The following PRM2 variants were observed in gnomAD, a reference collection of about 807,000 sequenced individuals.
The protein encoded by PRM2 is protamine 2, also known as protamine-2.
A neutral mutation model predicts 10.7 loss-of-function variants in PRM2; 6 were observed. The ratio of observed to expected loss-of-function variants is 0.56; its 90% confidence interval spans 0.31 to 1.11. The LOEUF (loss-of-function observed/expected upper bound fraction) is 1.11, where lower values mean the gene tolerates loss of function less well. Among genes scored for constraint, PRM2 ranks in the 50% least tolerant of loss-of-function variants. The pLI, the probability that PRM2 is intolerant of heterozygous loss-of-function variation, is 0.06. For synonymous variants in PRM2, 64 were observed against 54.8 expected (o/e 1.17, Z -0.74); for missense variants, 194 against 147.7 (o/e 1.31, Z -1.62).
chr16:11,275,831 T>A lies in PRM2; in HGVS notation c.*69A>T. ...TGAGCATTTGATGTAGGGGAATTGC[T>A]ATGGCCTCACTTGGTGTTTCGGGCG... is the stretch of plus-strand genomic sequence containing the variant. On this transcript the variant is annotated 3_prime_UTR_variant, in exon 2 of 2. Coordinates refer to ENST00000241808, the MANE Select transcript of PRM2 (RefSeq NM_002762.4). The A allele has an allele frequency of 6.2e-7, 1 of 1,611,220 alleles. No individual in the cohort carries two copies. The highest frequency in any genetic ancestry group is 8.5e-7 in the Non-Finnish European group (1 of 1,179,242).
In PRM2 at chr16:11,276,399, C is replaced by G. The variant is rs2069878336; in HGVS notation, c.-29G>C. 1 of 1,613,442 alleles carries G rather than the reference C, an allele frequency of 6.2e-7. No individual in the cohort carries two copies. ...GTTGGGAGATCTGGTGGCTCCTGGG[C>G]TGAGGCTGCAGTGGGCCCTGGAGTA... On this transcript the variant is annotated 5_prime_UTR_variant, in exon 1 of 2. Coordinates refer to ENST00000241808, the MANE Select transcript of PRM2 (RefSeq NM_002762.4).
chr16:11,276,379 G>C lies in PRM2; in HGVS notation c.-9C>G. On this transcript the variant is annotated 5_prime_UTR_variant, in exon 1 of 2. Coordinates refer to ENST00000241808, the MANE Select transcript of PRM2 (RefSeq NM_002762.4). ...ACGCGGTATCGGACCATGGTGTTGG[G>C]AGATCTGGTGGCTCCTGGGCTGAGG... is the stretch of plus-strand genomic sequence containing the variant. 6.2e-7 allele frequency: 1 copy of C among 1,614,104 alleles called. No individual in the cohort carries two copies. The highest frequency in any genetic ancestry group is 8.5e-7 in the Non-Finnish European group (1 of 1,179,972).
Position 11,275,751 on chromosome 16 carries a change from C to A in PRM2, c.*149G>T. The A allele has an allele frequency of 2.0e-6, 3 of 1,534,688 alleles. No individual in the cohort carries two copies. Among genetic ancestry groups the A allele is most frequent in the Non-Finnish European group, 2.7e-6 (3 of 1,130,468 alleles). ...ATTTGATGTAGGGGAGTTGCTATGGCCTCACTCGGTGTTTCTTGGGCAGGT... is the reference window on the plus strand; with the variant it reads ...ATTTGATGTAGGGGAGTTGCTATGGACTCACTCGGTGTTTCTTGGGCAGGT... On this transcript the variant is annotated 3_prime_UTR_variant, in exon 2 of 2. Coordinates refer to ENST00000241808, the MANE Select transcript of PRM2 (RefSeq NM_002762.4).
chr16:11,276,067 G>C (rs1312717221), intron 1 of PRM2, 33 bp downstream of exon 1: 1 of 1,611,128 alleles, frequency 6.2e-7, no homozygotes, highest in African/African-American at 1.3e-5. Context: ...GGTGGTCAGG[G>C]ACATGCAGGG....
intron 1 of PRM2, 29 bp downstream of exon 1, chr16:11,276,071 T>C (rs760490090): frequency 1.9e-4 from 305 of 1,611,094 alleles, no homozygotes; most frequent in Non-Finnish European, 2.3e-4. Context: ...GTCAGGGACA[T>C]GCAGGGCAAG....
Position 11,276,388 on chromosome 16 carries a change from T to G in PRM2, c.-18A>C, listed in dbSNP as rs960718268. ...CGGACCATGGTGTTGGGAGATCTGGTGGCTCCTGGGCTGAGGCTGCAGTGG... is the reference window on the plus strand; with the variant it reads ...CGGACCATGGTGTTGGGAGATCTGGGGGCTCCTGGGCTGAGGCTGCAGTGG... On this transcript the variant is annotated 5_prime_UTR_variant, in exon 1 of 2. Transcript: ENST00000241808. 6.2e-7 allele frequency: 1 copy of G among 1,613,966 alleles called. No individual in the cohort carries two copies. The highest frequency in any genetic ancestry group is 8.5e-7 in the Non-Finnish European group (1 of 1,179,922).
At chr16:11,276,028 G>C (rs1256358868) in intron 1 of PRM2, 72 bp downstream of exon 1, 4 of 1,609,504 alleles carry the variant, frequency 2.5e-6, no homozygotes, top group South Asian at 1.1e-5. Context: ...GTCAGGTGGG[G>C]TGGGTCCCCG....
chr16:11,276,414 G>T lies in PRM2; in HGVS notation c.-44C>A. ...GGCTCCTGGGCTGAGGCTGCAGTGG[G>T]CCCTGGAGTAGGGGAGGAGGGCGGA... On this transcript the variant is annotated 5_prime_UTR_variant, in exon 1 of 2. Coordinates refer to ENST00000241808, the MANE Select transcript of PRM2 (RefSeq NM_002762.4). 2 of 1,611,900 alleles carry T rather than the reference G, an allele frequency of 1.2e-6. No individual in the cohort carries two copies. The highest frequency in any genetic ancestry group is 2.2e-5 in the South Asian group (2 of 90,810).
chr16:11,275,840 A>C lies in PRM2; in HGVS notation c.*60T>G, dbSNP rs1432573986. 7 of 1,612,354 alleles carry C rather than the reference A, an allele frequency of 4.3e-6. No individual in the cohort carries two copies. Among genetic ancestry groups the C allele is most frequent in the Non-Finnish European group, 5.1e-6 (6 of 1,179,686 alleles). On this transcript the variant is annotated 3_prime_UTR_variant, in exon 2 of 2. Coordinates refer to ENST00000241808, the MANE Select transcript of PRM2 (RefSeq NM_002762.4). ...GATGTAGGGGAATTGCTATGGCCTC[A>C]CTTGGTGTTTCGGGCGACTTTTTCT...
chr16:11,276,039 C>T (rs1019107886), intron 1 of PRM2, 61 bp downstream of exon 1: 38 of 1,610,228 alleles, frequency 2.4e-5, no homozygotes, highest in Non-Finnish European at 3.2e-5. Flanking sequence ...TGGGTCCCCG[C>T]CTCCCTCCTG....
chr16:11,275,953 G>A lies in PRM2; in HGVS notation c.272-16C>T, dbSNP rs777213994. 6.2e-7 allele frequency: 1 copy of A among 1,613,578 alleles called. No individual in the cohort carries two copies. The highest frequency in any genetic ancestry group is 8.5e-7 in the Non-Finnish European group (1 of 1,179,756). On this transcript the variant is annotated splice_polypyrimidine_tract_variant and intron_variant, in intron 1 of 1. Transcript: ENST00000241808. ...GTTCTGCAGCCTTTTGGGAAAGAAAGTTCTGGTTGAGGGGGTCACCTAGGG... is the reference window on the plus strand; with the variant it reads ...GTTCTGCAGCCTTTTGGGAAAGAAAATTCTGGTTGAGGGGGTCACCTAGGG...
At position 11,275,881 on chromosome 16, in the gene PRM2, G is replaced by T; in HGVS notation, c.*19C>A. ...GACTTTTTCTTAATTTCCAGCTGGG[G>T]GTGAGGGGCCCAGGAAGCTTAGTGC... On this transcript the variant is annotated 3_prime_UTR_variant, in exon 2 of 2. Transcript: ENST00000241808. 1 of 1,614,058 alleles carries T rather than the reference G, an allele frequency of 6.2e-7. No homozygotes were observed. Among genetic ancestry groups the T allele is most frequent in the Non-Finnish European group, 8.5e-7 (1 of 1,180,012 alleles).
At position 11,275,767 on chromosome 16, in the gene PRM2, T is replaced by C. The variant is rs1567463914; in HGVS notation, c.*133A>G. The C allele has an allele frequency of 6.4e-6, 10 of 1,559,348 alleles. No individual in the cohort carries two copies. The Admixed American group carries it at 9.7e-5, about 15-fold the overall frequency. ...TTGCTATGGCCTCACTCGGTGTTTC[T>C]TGGGCAGGTGACTTTCTCTTAACTT... On this transcript the variant is annotated 3_prime_UTR_variant, in exon 2 of 2. Transcript: ENST00000241808.
rs2069865718 is a variant in PRM2 at position 11,276,229 on chromosome 16, G to T, written c.142C>A (p.His48Asn). Residue 48 changes from histidine to asparagine, a missense_variant, in exon 1 of 2, where the codon CAT becomes AAT. Physicochemically the swap from His to Asn is moderately conservative, Grantham distance 68. Coordinates refer to ENST00000241808, the MANE Select transcript of PRM2 (RefSeq NM_002762.4). ...PEHVEVYERT[H>N]GQSHYRRRHC... ...CTGCGCCTATAGTGAGACTGGCCAT[G>T]GGTCCTCTCGTAGACCTCGACGTGC... 3 of 1,614,136 alleles carry T rather than the reference G, an allele frequency of 1.9e-6. No homozygotes were observed. The African/African-American group carries it at 4.0e-5, about 22-fold the overall frequency.
Position 11,276,324 on chromosome 16 carries a change from A to G in PRM2, c.47T>C (p.Val16Ala), listed in dbSNP as rs2069872755. Residue 16 changes from valine (V) to alanine (A), a missense_variant, in exon 1 of 2, where the codon GTG (valine) becomes GCG (alanine). Val to Ala is a moderately conservative substitution (Grantham distance 64). Transcript: ENST00000241808. ...VRSLSERSHE[V>A]YRQQLHGQEQ... ...TTGCCCATGCAACTGCTGCCTGTAC[A>G]CCTCGTGCGAGCGTTCGCTCAGGCT... The G allele has an allele frequency of 2.5e-6, 4 of 1,613,924 alleles. No individual in the cohort carries two copies. Among genetic ancestry groups the G allele is most frequent in the Non-Finnish European group, 3.4e-6 (4 of 1,179,998 alleles).
At position 11,276,208 on chromosome 16, in the gene PRM2, G is replaced by C; in HGVS notation, c.163C>G (p.Arg55Gly). ...ERTHGQSHYR[R>G]RHCSRRRLHR... Reference sequence around the variant, plus strand: ...AGCCTCCTTCGAGAGCAGTGTCTGCGCCTATAGTGAGACTGGCCATGGGTC... The same window carrying C: ...AGCCTCCTTCGAGAGCAGTGTCTGCCCCTATAGTGAGACTGGCCATGGGTC... The change falls in exon 1 of 2, where the codon CGC (arginine) becomes GGC (glycine). Residue 55 changes from arginine to glycine, a missense_variant. Arg to Gly is a moderately radical substitution (Grantham distance 125). Transcript: ENST00000241808. The C allele has an allele frequency of 5.0e-6, 8 of 1,614,198 alleles. No homozygotes were observed. The highest frequency in any genetic ancestry group is 6.8e-6 in the Non-Finnish European group (8 of 1,180,036).
At position 11,275,950 on chromosome 16, in the gene PRM2, A is replaced by T; in HGVS notation, c.272-13T>A. 1.9e-6 allele frequency: 3 copies of T among 1,614,040 alleles called. No homozygotes were observed. Among genetic ancestry groups the T allele is most frequent in the Middle Eastern group, 3.3e-4 (2 of 6,062 alleles). On this transcript the variant is annotated splice_polypyrimidine_tract_variant and intron_variant, in intron 1 of 1. Coordinates refer to ENST00000241808, the MANE Select transcript of PRM2 (RefSeq NM_002762.4). ...CTGGTTCTGCAGCCTTTTGGGAAAG[A>T]AAGTTCTGGTTGAGGGGGTCACCTA... is the stretch of plus-strand genomic sequence containing the variant.
chr16:11,275,755 A>G lies in PRM2; in HGVS notation c.*145T>C, dbSNP rs2069845412. ...GATGTAGGGGAGTTGCTATGGCCTC[A>G]CTCGGTGTTTCTTGGGCAGGTGACT... On this transcript the variant is annotated 3_prime_UTR_variant, in exon 2 of 2. Transcript: ENST00000241808. The G allele has an allele frequency of 1.3e-6, 2 of 1,540,852 alleles. No individual in the cohort carries two copies. Among genetic ancestry groups the G allele is most frequent in the Non-Finnish European group, 1.8e-6 (2 of 1,135,698 alleles).
chr16:11,275,984 GGGTGGGGACGGGGGTTAGGGGGCT>G lies in PRM2; in HGVS notation c.272-71_272-48del, dbSNP rs748263478. The G allele has an allele frequency of 3.1e-6, 5 of 1,613,468 alleles. No homozygotes were observed. The Admixed American group carries it at 8.3e-5, about 27-fold the overall frequency. On this transcript the variant is annotated intron_variant, in intron 1 of 1. Transcript: ENST00000241808. ...GTTGAGGGGGTCACCTAGGGACTCT[GGGTGGGGACGGGGGTTAGGGGGCT>G]GGAGCTTTTGTCAGGTGGGGTGGGT...
Sources: gnomAD v4.1 joint callset for allele counts on GRCh38, gnomAD v4.1.1 for gene constraint, MANE v1.5 for transcripts, NCBI Gene and HGNC (gene_info 2026-07-23, HGNC 2026-07-21) for gene names.